Variants in MALRD1 observed in about 807,000 individuals in gnomAD.
The protein encoded by MALRD1 is MAM and LDL-receptor class A domain-containing protein 1.
In MALRD1, 247 loss-of-function variants were observed where a neutral mutation model predicts 242.1. That is an observed-to-expected ratio of 1.02 (90% confidence interval 0.92 to 1.13). The LOEUF is 1.13. MALRD1 is among the 50% of genes most tolerant of loss of function. The pLI, the probability that MALRD1 is intolerant of heterozygous loss-of-function variation, is 0.00. For synonymous variants in MALRD1, 995 were observed against 866.6 expected (o/e 1.15, Z -2.60); for missense variants, 2,989 against 2,533.1 (o/e 1.18, Z -3.86).
At chr10:19,369,824 A>G (rs1039954540) in intron 26 of MALRD1, among the ~76,000 whole-genome samples, 13 of 151,840 alleles carry the variant, frequency 8.6e-5, no homozygotes, top group African/African-American at 3.1e-4. Flanking sequence ...GTATCATTAT[A>G]TATATTACTG....
At chr10:19,287,778 A>T (rs1841199167) in intron 21 of MALRD1, among the ~76,000 whole-genome samples, 1 of 152,226 alleles carries the variant, frequency 6.6e-6, no homozygotes, top group Middle Eastern at 3.4e-3. Context: ...CTAACAATGC[A>T]TTTCTCAGAA....
intron 36 of MALRD1, among the ~76,000 whole-genome samples, chr10:19,688,246 C>T (rs1437381100): frequency 1.3e-5 from 2 of 152,296 alleles, no homozygotes; most frequent in East Asian, 3.9e-4. Context: ...GCTGGGATTA[C>T]AGGCATGAGC....
At chr10:19,361,416 G>A (rs1432761291) in intron 26 of MALRD1, among the ~76,000 whole-genome samples, 1 of 152,086 alleles carries the variant, frequency 6.6e-6, no homozygotes, top group African/African-American at 2.4e-5. Flanking sequence ...AGACACTAAA[G>A]AGCTGCCATA....
chr10:19,475,024 T>G (rs1408662717), intron 29 of MALRD1, among the ~76,000 whole-genome samples: 1 of 152,200 alleles, frequency 6.6e-6, no homozygotes, highest in Non-Finnish European at 1.5e-5. Flanking sequence ...ATTTATCACA[T>G]GAGAAATATG....
At chr10:19,588,905 A>T (rs114589517) in intron 33 of MALRD1, among the ~76,000 whole-genome samples, 3,364 of 152,256 alleles carry the variant, frequency 0.022, 58 homozygotes, top group Middle Eastern at 0.068. Context: ...GGCCTTCCAA[A>T]GTGCCAGGAT....
chr10:19,640,648 G>A (rs1459536010), intron 36 of MALRD1, among the ~76,000 whole-genome samples: 2 of 152,044 alleles, frequency 1.3e-5, no homozygotes, highest in Non-Finnish European at 2.9e-5. Flanking sequence ...GGAAAATGTG[G>A]TATCCAACAG....
chr10:19,531,353 T>A lies in MALRD1; in HGVS notation c.5478+2T>A. 1.3e-6 allele frequency: 2 copies of A among 1,526,160 alleles called. No individual in the cohort carries two copies. The highest frequency in any genetic ancestry group is 1.8e-6 in the Non-Finnish European group (2 of 1,131,104). 94.5% of individuals were successfully genotyped at this position (1,526,160 alleles called of 1,614,324 possible). A position where few individuals can be genotyped will look rare whatever the true frequency, so the allele number is the denominator to read the frequency against. ...CCCAGGAGTATGGGAATATTAAAGG[T>A]ACAAAAGGAAGCCAGAGATTTATGA... is the stretch of plus-strand genomic sequence containing the variant. On this transcript the variant is annotated splice_donor_variant, in intron 32 of 39. Transcript: ENST00000454679. LOFTEE classifies it high-confidence loss of function.
intron 28 of MALRD1, among the ~76,000 whole-genome samples, chr10:19,421,566 A>G (rs1239715152): frequency 1.3e-5 from 2 of 152,220 alleles, no homozygotes; most frequent in Non-Finnish European, 2.9e-5. Flanking sequence ...AAAGCTTTAC[A>G]CACTAAAGAG....
At chr10:19,053,536 C>G (rs1834571224) in intron 1 of MALRD1, among the ~76,000 whole-genome samples, 1 of 152,152 alleles carries the variant, frequency 6.6e-6, no homozygotes, top group African/African-American at 2.4e-5. Flanking sequence ...TTCAGGACCA[C>G]TAAATGATGA....
intron 28 of MALRD1, among the ~76,000 whole-genome samples, chr10:19,402,900 C>T (rs142839084): frequency 1.3e-5 from 2 of 152,158 alleles, no homozygotes; most frequent in Non-Finnish European, 2.9e-5. Context: ...ATTTTCCCTT[C>T]TGCGTCTTGT....
At chr10:19,069,633 A>G (rs1835081113) in intron 2 of MALRD1, among the ~76,000 whole-genome samples, 1 of 151,112 alleles carries the variant, frequency 6.6e-6, no homozygotes, top group Admixed American at 6.6e-5. Context: ...TTTTGCCTTC[A>G]TTCTTGAAAT....
At chr10:19,123,328 A>G (rs199549972) in intron 5 of MALRD1, among the ~76,000 whole-genome samples, 164 bp from the exon 6 acceptor site, 1 of 125,990 alleles carries the variant, frequency 7.9e-6, no homozygotes, top group Admixed American at 7.8e-5. Flanking sequence ...TGTGTGTGAG[A>G]GAGAGAGAGA....
At chr10:19,173,710 T>C (rs1460546406) in intron 13 of MALRD1, among the ~76,000 whole-genome samples, 2 of 152,170 alleles carry the variant, frequency 1.3e-5, no homozygotes, top group Non-Finnish European at 2.9e-5. Flanking sequence ...AGGTAAAATG[T>C]TTTGCCCAAC....
At chr10:19,375,853 T>C (rs946682703) in intron 26 of MALRD1, among the ~76,000 whole-genome samples, 18 of 152,188 alleles carry the variant, frequency 1.2e-4, no homozygotes, top group African/African-American at 4.3e-4. Flanking sequence ...GCCAGACACA[T>C]TGGCTCATGC....
chr10:19,361,722 C>A (rs1201435163), intron 26 of MALRD1, among the ~76,000 whole-genome samples: 1 of 152,080 alleles, frequency 6.6e-6, no homozygotes, highest in Non-Finnish European at 1.5e-5. Context: ...TTCTGGAAGA[C>A]CTCAATAGAG....
intron 21 of MALRD1, among the ~76,000 whole-genome samples, chr10:19,322,011 G>A (rs1842931613): frequency 1.3e-5 from 2 of 152,086 alleles, no homozygotes; most frequent in African/African-American, 4.8e-5. Flanking sequence ...AATTGGAGAG[G>A]CATGGACAAT....
In MALRD1 at chr10:19,692,278, C is replaced by T; in HGVS notation, c.6138-4C>T. On this transcript the variant is annotated splice_region_variant and splice_polypyrimidine_tract_variant and intron_variant, in intron 36 of 39. Transcript: ENST00000454679. Reference sequence around the variant, plus strand: ...CCAACTATTTTATTTTATCTCCTTTCCAGATGTAGACAAGGCTGGAAAGGA... The same window carrying T: ...CCAACTATTTTATTTTATCTCCTTTTCAGATGTAGACAAGGCTGGAAAGGA... The T allele has an allele frequency of 1.3e-6, 2 of 1,531,892 alleles. No individual in the cohort carries two copies. The highest frequency in any genetic ancestry group is 1.7e-6 in the Non-Finnish European group (2 of 1,144,334). 94.9% of individuals were successfully genotyped at this position (1,531,892 alleles called of 1,614,324 possible).
At chr10:19,257,832 A>G in intron 19 of MALRD1, 61 bp downstream of exon 19, 1 of 1,148,664 alleles carries the variant, frequency 8.7e-7, no homozygotes, top group Non-Finnish European at 1.2e-6. Context: ...AAAACTTGCA[A>G]GGAAATCAAT....
intron 26 of MALRD1, among the ~76,000 whole-genome samples, chr10:19,369,022 C>T (rs1345127061): frequency 6.8e-6 from 1 of 147,526 alleles, no homozygotes; most frequent in Non-Finnish European, 1.5e-5. Context: ...CAATGTTAAA[C>T]AGACAAATAG....
Sources: allele counts gnomAD v4.1 joint callset (sites outside exome capture counted in the v4.1 genomes callset), GRCh38; gene constraint gnomAD v4.1.1; transcripts MANE v1.5; gene names NCBI Gene and HGNC (gene_info 2026-07-23, HGNC 2026-07-21).